Variants in SLC24A4 observed in about 807,000 individuals in gnomAD.
SLC24A4 encodes the protein solute carrier family 24 member 4.
A neutral mutation model predicts 79.0 loss-of-function variants in SLC24A4; 53 were observed. The observed-to-expected ratio is 0.67, with a 90% CI of 0.54 to 0.84. The LOEUF (loss-of-function observed/expected upper bound fraction) is 0.84, where lower values mean the gene tolerates loss of function less well. Among genes scored for constraint, SLC24A4 ranks in the 40% least tolerant of loss-of-function variants. The pLI is 0.00. For synonymous variants in SLC24A4, 323 were observed against 323.8 expected (o/e 1.00, Z 0.03); for missense variants, 731 against 822.0 (o/e 0.89, Z 1.35).
At chr14:92,337,553 A>G (rs1252968909) in intron 2 of SLC24A4, among the ~76,000 whole-genome samples, 2 of 152,208 alleles carry the variant, frequency 1.3e-5, no homozygotes, top group Admixed American at 6.5e-5. Flanking sequence ...CTCAAAGAAC[A>G]TGGATCCTGG....
chr14:92,379,917 C>T (rs1888734966), intron 2 of SLC24A4, among the ~76,000 whole-genome samples: 1 of 152,208 alleles, frequency 6.6e-6, no homozygotes, highest in Non-Finnish European at 1.5e-5. Context: ...CCCCTCTCCA[C>T]CCTCACCTGC....
chr14:92,347,628 G>T (rs1022299773), intron 2 of SLC24A4, among the ~76,000 whole-genome samples: 4 of 152,056 alleles, frequency 2.6e-5, no homozygotes, highest in Non-Finnish European at 5.9e-5. Flanking sequence ...AAGTATTTGG[G>T]TTATAAAAAT....
chr14:92,358,319 G>A (rs1044578126), intron 2 of SLC24A4, among the ~76,000 whole-genome samples: 2 of 152,156 alleles, frequency 1.3e-5, no homozygotes, highest in African/African-American at 2.4e-5. Context: ...TTTTAATTAC[G>A]TTGACCCTGG....
chr14:92,484,479 CTG>C, intron 13 of SLC24A4: 1 of 985,370 alleles, frequency 1.0e-6, no homozygotes, highest in South Asian at 4.7e-5. Context: ...AGGACGGACT[CTG>C]TGACTCCTGG....
chr14:92,336,089 C>G (rs1004239322), intron 2 of SLC24A4, among the ~76,000 whole-genome samples: 1 of 152,170 alleles, frequency 6.6e-6, no homozygotes, highest in Non-Finnish European at 1.5e-5. Context: ...GTAGATTCTC[C>G]GCTCTTGATG....
intron 9 of SLC24A4, 80 bp from the exon 10 acceptor site, chr14:92,448,994 G>C: frequency 1.9e-6 from 3 of 1,546,360 alleles, no homozygotes; most frequent in Non-Finnish European, 2.7e-6. Context: ...TGCGTGCAGG[G>C]ATGGGGTGTG....
intron 12 of SLC24A4, among the ~76,000 whole-genome samples, chr14:92,469,234 C>T (rs975083072): frequency 8.5e-5 from 13 of 152,074 alleles, no homozygotes; most frequent in African/African-American, 1.2e-4. Context: ...ATAGGCCAGG[C>T]GCGGTGGCTC....
At chr14:92,362,690 C>T (rs2141669254) in intron 2 of SLC24A4, among the ~76,000 whole-genome samples, 1 of 152,316 alleles carries the variant, frequency 6.6e-6, no homozygotes, top group Middle Eastern at 3.4e-3. Context: ...AGTGATCCCC[C>T]CGAGGCGGCA....
intron 12 of SLC24A4, among the ~76,000 whole-genome samples, chr14:92,470,500 A>G (rs1894383345): frequency 6.6e-6 from 1 of 152,212 alleles, no homozygotes; most frequent in African/African-American, 2.4e-5. Context: ...CTGATTAGCC[A>G]TCTGTTTTGT....
At position 92,493,896 on chromosome 14, in the gene SLC24A4, G is replaced by A. The variant is rs998693942; in HGVS notation, c.*268G>A. ...CAAAGACCCCTGAGCTGCCAACCAC[G>A]GAGATGTGCCAAGCATCTCATCTCT... On this transcript the variant is annotated 3_prime_UTR_variant, in exon 17 of 17. Transcript: ENST00000532405. 8.5e-6 allele frequency: 4 copies of A among 472,236 alleles called. No individual in the cohort carries two copies. Among genetic ancestry groups the A allele is most frequent in the Admixed American group, 3.8e-5 (1 of 26,642 alleles). 29.3% of individuals were successfully genotyped at this position (472,236 alleles called of 1,614,324 possible).
chr14:92,406,233 C>T (rs1383453270), intron 2 of SLC24A4, among the ~76,000 whole-genome samples: 1 of 152,258 alleles, frequency 6.6e-6, no homozygotes, highest in Non-Finnish European at 1.5e-5. Context: ...CTCCCATGGC[C>T]TTGGGCAGCT....
At chr14:92,373,113 C>T (rs1056580788) in intron 2 of SLC24A4, among the ~76,000 whole-genome samples, 1 of 151,190 alleles carries the variant, frequency 6.6e-6, no homozygotes, top group African/African-American at 2.4e-5. Flanking sequence ...GCAATTCCTG[C>T]CTCAGCCTCC....
intron 2 of SLC24A4, among the ~76,000 whole-genome samples, chr14:92,415,494 G>A (rs1006079355): frequency 6.6e-6 from 1 of 152,006 alleles, no homozygotes; most frequent in Non-Finnish European, 1.5e-5. Context: ...TTTCACTCTT[G>A]TCACCCAGGC....
intron 14 of SLC24A4, among the ~76,000 whole-genome samples, chr14:92,488,968 C>G (rs975556200): frequency 6.6e-6 from 1 of 152,148 alleles, no homozygotes; most frequent in Non-Finnish European, 1.5e-5. Context: ...AACAAAGGGT[C>G]TCTGTTAGGA....
In SLC24A4 at chr14:92,493,912, T is replaced by G. The variant is rs1459540762; in HGVS notation, c.*284T>G. ...GCCAACCACGGAGATGTGCCAAGCATCTCATCTCTCCTGCACACTTTAGTC... is the reference window on the plus strand; with the variant it reads ...GCCAACCACGGAGATGTGCCAAGCAGCTCATCTCTCCTGCACACTTTAGTC... On this transcript the variant is annotated 3_prime_UTR_variant, in exon 17 of 17. Transcript: ENST00000532405. 1 of 443,738 alleles carries G rather than the reference T, an allele frequency of 2.3e-6. No homozygotes were observed. The highest frequency in any genetic ancestry group is 4.1e-6 in the Non-Finnish European group (1 of 245,066). 27.5% of individuals were successfully genotyped at this position (443,738 alleles called of 1,614,324 possible). A position where few individuals can be genotyped will look rare whatever the true frequency, so the allele number is the denominator to read the frequency against.
At chr14:92,421,291 A>G (rs1381359498) in intron 2 of SLC24A4, among the ~76,000 whole-genome samples, 1 of 152,154 alleles carries the variant, frequency 6.6e-6, no homozygotes, top group Admixed American at 6.5e-5. Flanking sequence ...AATAAAATAC[A>G]CAGCTTTTTA....
chr14:92,492,345 TAGTGAAGGATAAAGGCA>T, intron 16 of SLC24A4, 105 bp downstream of exon 16: 1 of 1,089,228 alleles, frequency 9.2e-7, no homozygotes, highest in Non-Finnish European at 1.4e-6. Context: ...CTTCCCTTGG[TAGTGAAGGATAAAGGCA>T]AGAAAATGTA....
At chr14:92,415,786 C>A (rs1024465635) in intron 2 of SLC24A4, among the ~76,000 whole-genome samples, 3 of 151,668 alleles carry the variant, frequency 2.0e-5, no homozygotes, top group Non-Finnish European at 4.4e-5. Flanking sequence ...TTTTAATTTC[C>A]ATAGGGTTTT....
chr14:92,463,141 C>T (rs952164375), intron 12 of SLC24A4, among the ~76,000 whole-genome samples: 5 of 152,132 alleles, frequency 3.3e-5, no homozygotes, highest in Admixed American at 6.5e-5. Flanking sequence ...TAGCAAAACC[C>T]GGAACAGGCA....
Sources: gnomAD v4.1 joint callset for allele counts (sites outside exome capture counted in the v4.1 genomes callset) on GRCh38, gnomAD v4.1.1 for gene constraint, MANE v1.5 for transcripts, NCBI Gene and HGNC (gene_info 2026-07-23, HGNC 2026-07-21) for gene names.